Variants in MSRA observed in about 807,000 individuals in gnomAD.
The protein encoded by MSRA is mitochondrial peptide methionine sulfoxide reductase.
A neutral mutation model predicts 31.3 loss-of-function variants in MSRA; 54 were observed. That is an observed-to-expected ratio of 1.73 (90% CI 1.39 to 2.17). The LOEUF (loss-of-function observed/expected upper bound fraction) is 2.17, where lower values mean the gene tolerates loss of function less well. Among genes scored for constraint, MSRA ranks in the 30% most tolerant of loss-of-function variants. The probability of loss-of-function intolerance (pLI) is 0.00; values close to 1 mark genes in which losing one functional copy is unlikely to be tolerated. For synonymous variants in MSRA, 169 were observed against 116.5 expected, an observed-to-expected ratio of 1.45 and a Z score of -2.90; for missense variants, 507 against 300.9, an observed-to-expected ratio of 1.69 and a Z score of -5.07.
intron 5 of MSRA, among the ~76,000 whole-genome samples, chr8:10,384,430 G>T (rs1223085463): frequency 6.6e-6 from 1 of 152,246 alleles, no homozygotes; most frequent in East Asian, 1.9e-4. Context: ...GAAGCCTCTT[G>T]AGGTAGCTCC....
At chr8:10,231,568 A>G (rs956608554) in intron 2 of MSRA, among the ~76,000 whole-genome samples, 7 of 152,200 alleles carry the variant, frequency 4.6e-5, no homozygotes, top group African/African-American at 1.7e-4. Flanking sequence ...TCTCAGATGG[A>G]TGATATGTGG....
chr8:10,372,841 C>G lies in MSRA; in HGVS notation c.543+52852C>G, dbSNP rs1805553976. Among the ~76,000 whole-genome samples, 4 of 152,344 alleles carry G rather than the reference C, an allele frequency of 2.6e-5. 1 individual carries two copies. The South Asian group carries it at 8.3e-4, about 32-fold the overall frequency. ...TCCAATAAAGCTAAAAATAGGATTT[C>G]CTGTATAGGCTTAAGCGTGTGCTAA... is the stretch of plus-strand genomic sequence containing the variant. On this transcript the variant is annotated intron_variant, in intron 5 of 5. Transcript: ENST00000317173.
chr8:10,054,684 C>T (rs775992762), intron 1 of MSRA, 26 bp downstream of exon 1: 3 of 1,486,274 alleles, frequency 2.0e-6, no homozygotes, highest in Non-Finnish European at 2.7e-6. Context: ...ACGGAAGGCG[C>T]GGGCGGCGAC....
Position 10,279,482 on chromosome 8 carries a change from T to C in MSRA, c.332-22052T>C, listed in dbSNP as rs989698851. ...GGCAGCGTTTTCTGATCCTACAAGT[T>C]TGAGTTTGATCGTCATCCTCCCACC... On this transcript the variant is annotated intron_variant, in intron 3 of 5. Coordinates refer to ENST00000317173, the MANE Select transcript of MSRA (RefSeq NM_012331.5). Among the ~76,000 whole-genome samples the C allele has an allele frequency of 2.0e-5, 3 of 152,168 alleles. No homozygotes were observed. The East Asian group carries it at 5.8e-4, about 29-fold the overall frequency.
intron 1 of MSRA, among the ~76,000 whole-genome samples, chr8:10,088,239 G>A (rs753344129): frequency 6.6e-6 from 1 of 152,166 alleles, no homozygotes; most frequent in Non-Finnish European, 1.5e-5. Flanking sequence ...TGGTGGGAAT[G>A]TATTTTGGTA....
At chr8:10,302,424 T>C (rs976656189) in intron 4 of MSRA, among the ~76,000 whole-genome samples, 4 of 152,262 alleles carry the variant, frequency 2.6e-5, no homozygotes, top group Admixed American at 2.6e-4. Flanking sequence ...CCTCTTCATT[T>C]GGCAGTCAGT....
At chr8:10,145,143 C>T (rs1460583678) in intron 1 of MSRA, among the ~76,000 whole-genome samples, 1 of 152,178 alleles carries the variant, frequency 6.6e-6, no homozygotes, top group African/African-American at 2.4e-5. Context: ...TAATTTTTCA[C>T]TGGCGGAGCT....
chr8:10,218,165 G>C (rs1315051039), intron 2 of MSRA, among the ~76,000 whole-genome samples: 2 of 136,646 alleles, frequency 1.5e-5, no homozygotes, highest in African/African-American at 5.7e-5. Context: ...TATTTATTTT[G>C]AGAAAGAGTC....
intron 5 of MSRA, among the ~76,000 whole-genome samples, chr8:10,372,278 C>T (rs1365305925): frequency 1.3e-5 from 2 of 152,204 alleles, no homozygotes; most frequent in Admixed American, 6.5e-5. Context: ...AAGAAATAAA[C>T]TATAACAATC....
intron 3 of MSRA, among the ~76,000 whole-genome samples, chr8:10,246,700 A>G (rs1268244786): frequency 1.3e-5 from 2 of 152,222 alleles, no homozygotes; most frequent in Non-Finnish European, 2.9e-5. Context: ...TGAGCTGTAC[A>G]ACAATGAAAA....
chr8:10,393,835 T>C (rs114746057), intron 5 of MSRA, among the ~76,000 whole-genome samples: 64 of 152,352 alleles, frequency 4.2e-4, no homozygotes, highest in African/African-American at 1.5e-3. Context: ...GCACCACGTG[T>C]GCACACCTAC....
At chr8:10,327,962 C>CCTGCGCTACCAAT (rs1314664774) in intron 5 of MSRA, among the ~76,000 whole-genome samples, 1 of 151,200 alleles carries the variant, frequency 6.6e-6, no homozygotes, top group Non-Finnish European at 1.5e-5. Context: ...AACCTACTCA[C>CCTGCGCTACCAAT]CTGCGCTACC....
Position 10,072,951 on chromosome 8 carries a change from C to T in MSRA, c.142+18293C>T, listed in dbSNP as rs1453479501. On this transcript the variant is annotated intron_variant, in intron 1 of 5. Coordinates refer to ENST00000317173, the MANE Select transcript of MSRA (RefSeq NM_012331.5). Reference sequence around the variant, plus strand: ...AGTTGATTTTGGGATGTTGATCTTACATCTTTCAACCTTGCTGAACTCACT... The same window carrying T: ...AGTTGATTTTGGGATGTTGATCTTATATCTTTCAACCTTGCTGAACTCACT... Among the ~76,000 whole-genome samples the T allele has an allele frequency of 2.6e-5, 4 of 152,292 alleles. No homozygotes were observed. In the East Asian group the frequency reaches 5.8e-4, roughly 22 times the overall value.
chr8:10,294,669 G>T (rs1277671283), intron 3 of MSRA, among the ~76,000 whole-genome samples: 1 of 152,190 alleles, frequency 6.6e-6, no homozygotes. Context: ...TGGTAGGGAC[G>T]TGGGGGAACA....
At chr8:10,258,598 C>G (rs1373314798) in intron 3 of MSRA, among the ~76,000 whole-genome samples, 1 of 152,212 alleles carries the variant, frequency 6.6e-6, no homozygotes, top group African/African-American at 2.4e-5. Context: ...GACTCTGGGA[C>G]TCTTGTAAGC....
Position 10,319,990 on chromosome 8 carries a change from G to A in MSRA, c.543+1G>A. 6.3e-7 allele frequency: 1 copy of A among 1,595,130 alleles called. No individual in the cohort carries two copies. The highest frequency in any genetic ancestry group is 1.2e-5 in the South Asian group (1 of 86,364). Reference sequence around the variant, plus strand: ...GAGCTCCAAAGAGAACTACCAAAAGGTAGGGATTGCTGGGCTCCTAGCCCC... The same window carrying A: ...GAGCTCCAAAGAGAACTACCAAAAGATAGGGATTGCTGGGCTCCTAGCCCC... On this transcript the variant is annotated splice_donor_variant, in intron 5 of 5. Transcript: ENST00000317173. LOFTEE classifies it high-confidence loss of function.
chr8:10,349,985 G>A (rs1440105472), intron 5 of MSRA, among the ~76,000 whole-genome samples: 3 of 152,260 alleles, frequency 2.0e-5, no homozygotes, highest in African/African-American at 7.2e-5. Context: ...AGCTACCGCT[G>A]AAGCTTGTGG....
At chr8:10,168,279 G>T (rs983634200) in intron 1 of MSRA, among the ~76,000 whole-genome samples, 13 of 152,138 alleles carry the variant, frequency 8.5e-5, no homozygotes, top group African/African-American at 3.1e-4. Context: ...AAAACCTTGT[G>T]TTGTTTTATA....
At chr8:10,260,299 C>T (rs929750295) in intron 3 of MSRA, among the ~76,000 whole-genome samples, 3 of 152,110 alleles carry the variant, frequency 2.0e-5, no homozygotes, top group Admixed American at 6.5e-5. Context: ...TACCACCACG[C>T]CTGGCCAGTG....
Sources: gnomAD v4.1 joint callset for allele counts (sites outside exome capture counted in the v4.1 genomes callset) on GRCh38, gnomAD v4.1.1 for gene constraint, MANE v1.5 for transcripts, NCBI Gene and HGNC (gene_info 2026-07-23, HGNC 2026-07-21) for gene names.